MGAT4C: variants seen among roughly 807,000 people sequenced by gnomAD.
MGAT4C encodes the protein alpha-1,3-mannosyl-glycoprotein 4-beta-N-acetylglucosaminyltransferase C.
A neutral mutation model predicts 40.1 loss-of-function variants in MGAT4C; 19 were observed. That is an observed-to-expected ratio of 0.47 (90% CI 0.33 to 0.70). The LOEUF is 0.70. Ranked by LOEUF, MGAT4C falls within the 30% of genes least tolerant of loss-of-function variation. MGAT4C has a pLI of 0.02. For synonymous variants in MGAT4C, 181 were observed against 187.1 expected (o/e 0.97, Z 0.27); for missense variants, 491 against 563.2 (o/e 0.87, Z 1.30).
At position 86,587,464 on chromosome 12, in the gene MGAT4C, T is replaced by G. The variant is rs925232388; in HGVS notation, c.-229+139745A>C. Among the ~76,000 whole-genome samples, 12 of 152,164 alleles carry G rather than the reference T, an allele frequency of 7.9e-5. 1 individual carries two copies. Among genetic ancestry groups the G allele is most frequent in the African/African-American group, 2.6e-4 (11 of 41,528 alleles). On this transcript the variant is annotated intron_variant, in intron 2 of 7. Coordinates refer to the MGAT4C transcript ENST00000548651. ...GTTTGGTTCCATATGAACTTTAAAG[T>G]TGTTTTTTCCAATTCTGTGAAGAAA...
chr12:86,317,351 G>A (rs1954266419), intron 4 of MGAT4C, among the ~76,000 whole-genome samples: 1 of 152,048 alleles, frequency 6.6e-6, no homozygotes, highest in African/African-American at 2.4e-5. Context: ...GAAGAAATAA[G>A]AAATGCAGGT....
chr12:86,116,713 G>GA (rs1428834494), intron 1 of MGAT4C, among the ~76,000 whole-genome samples: 1 of 152,022 alleles, frequency 6.6e-6, no homozygotes, highest in African/African-American at 2.4e-5. Flanking sequence ...CAAGATGGGG[G>GA]ATGGGATGTA....
In MGAT4C at chr12:85,965,692, G is replaced by C. The variant is rs1184792225; in HGVS notation, c.*13597C>G. 6.6e-6 allele frequency: 1 copy of C among 151,130 alleles called. No individual in the cohort carries two copies. The highest frequency in any genetic ancestry group is 1.5e-5 in the Non-Finnish European group (1 of 67,832). 9.4% of individuals were successfully genotyped at this position (151,130 alleles called of 1,614,324 possible). On this transcript the variant is annotated 3_prime_UTR_variant, in exon 5 of 5. Transcript: ENST00000611864. Reference sequence around the variant, plus strand: ...AAGTAATTATGAACAAACTGTTCATGAAGTGATCAATTGAATTTGAAACAG... The same window carrying C: ...AAGTAATTATGAACAAACTGTTCATCAAGTGATCAATTGAATTTGAAACAG...
chr12:86,445,150 C>G (rs1451244915), intron 2 of MGAT4C, among the ~76,000 whole-genome samples: 1 of 152,106 alleles, frequency 6.6e-6, no homozygotes, highest in Non-Finnish European at 1.5e-5. Context: ...CTACACTTAT[C>G]AAATCTCACA....
At chr12:86,617,095 C>T (rs17653362) in intron 2 of MGAT4C, among the ~76,000 whole-genome samples, 1,828 of 152,244 alleles carry the variant, frequency 0.012, 19 homozygotes, top group South Asian at 0.033. Context: ...AGTCACTCTC[C>T]TCATGGACTG....
intron 1 of MGAT4C, among the ~76,000 whole-genome samples, chr12:86,115,097 C>T (rs1371757216): frequency 2.6e-5 from 4 of 152,052 alleles, no homozygotes; most frequent in Admixed American, 1.3e-4. Flanking sequence ...GCTGGCATTT[C>T]GGTACCATTT....
intron 2 of MGAT4C, among the ~76,000 whole-genome samples, chr12:86,609,691 C>T (rs775005400): frequency 6.6e-6 from 1 of 151,410 alleles, no homozygotes; most frequent in Non-Finnish European, 1.5e-5. Context: ...AAGGAAATTA[C>T]GAGTTGCGTG....
At chr12:86,046,902 A>C (rs1257905794) in intron 2 of MGAT4C, among the ~76,000 whole-genome samples, 1 of 152,194 alleles carries the variant, frequency 6.6e-6, no homozygotes, top group Non-Finnish European at 1.5e-5. Context: ...CGAAAATACA[A>C]AGCACTGCTA....
At chr12:86,708,491 C>T (rs1395197395) in intron 2 of MGAT4C, among the ~76,000 whole-genome samples, 1 of 152,186 alleles carries the variant, frequency 6.6e-6, no homozygotes, top group African/African-American at 2.4e-5. Flanking sequence ...TGGGGCACTG[C>T]CTAGTGTAGC....
At chr12:86,108,591 C>T (rs1409287435) in intron 1 of MGAT4C, among the ~76,000 whole-genome samples, 1 of 152,064 alleles carries the variant, frequency 6.6e-6, no homozygotes, top group African/African-American at 2.4e-5. Flanking sequence ...GAATACCCAC[C>T]ATGGATTGGT....
chr12:86,435,264 T>A (rs1343605237), exon 3 of MGAT4C: 1 of 151,890 alleles, frequency 6.6e-6, no homozygotes, highest in Non-Finnish European at 1.5e-5. Flanking sequence ...GATCTCCAGT[T>A]CCTGCACAAA....
At chr12:86,518,725 T>C (rs976343021) in intron 2 of MGAT4C, among the ~76,000 whole-genome samples, 79 of 152,272 alleles carry the variant, frequency 5.2e-4, no homozygotes, top group African/African-American at 1.8e-3. Flanking sequence ...TCAAAAAGAC[T>C]TGCACACTAC....
chr12:86,343,367 G>C (rs1211405807), intron 3 of MGAT4C, among the ~76,000 whole-genome samples: 1 of 152,152 alleles, frequency 6.6e-6, no homozygotes, highest in Admixed American at 6.5e-5. Context: ...CTGTTAGTAA[G>C]ATAGATAGGA....
chr12:86,198,189 C>A (rs1045653428), intron 1 of MGAT4C, among the ~76,000 whole-genome samples: 1 of 152,062 alleles, frequency 6.6e-6, no homozygotes, highest in Non-Finnish European at 1.5e-5. Flanking sequence ...CAAAAACAAC[C>A]AGGAGTATTT....
chr12:86,160,469 T>C (rs945692906), intron 1 of MGAT4C, among the ~76,000 whole-genome samples: 10 of 152,098 alleles, frequency 6.6e-5, no homozygotes, highest in African/African-American at 2.4e-4. Flanking sequence ...GCTTTGAATG[T>C]ATTGATGCTT....
chr12:86,017,133 A>C (rs1404312791), intron 2 of MGAT4C, among the ~76,000 whole-genome samples: 1 of 152,284 alleles, frequency 6.6e-6, no homozygotes, highest in South Asian at 2.1e-4. Flanking sequence ...AAACATTTAA[A>C]AAAAACGTAT....
At chr12:86,812,459 CA>C (rs1201595914) in intron 1 of MGAT4C, among the ~76,000 whole-genome samples, 5 of 151,920 alleles carry the variant, frequency 3.3e-5, no homozygotes, top group African/African-American at 9.7e-5. Context: ...ATTTTTGCTT[CA>C]TGAATTTTGA....
chr12:86,034,480 A>G (rs1008087235), intron 2 of MGAT4C, among the ~76,000 whole-genome samples: 3 of 149,208 alleles, frequency 2.0e-5, no homozygotes, highest in African/African-American at 4.9e-5. Context: ...TTGGGAGGTT[A>G]TATCTCTCAG....
chr12:86,511,769 A>G (rs1958592146), intron 2 of MGAT4C, among the ~76,000 whole-genome samples: 1 of 152,168 alleles, frequency 6.6e-6, no homozygotes, highest in African/African-American at 2.4e-5. Context: ...AGATGTAAAT[A>G]AAGGCTTAAA....
Sources: gnomAD v4.1 joint callset for allele counts (sites outside exome capture counted in the v4.1 genomes callset) on GRCh38, gnomAD v4.1.1 for gene constraint, MANE v1.5 for transcripts, NCBI Gene and HGNC (gene_info 2026-07-23, HGNC 2026-07-21) for gene names.